Variants in GALNTL6 observed in about 807,000 individuals in gnomAD.
GALNTL6 encodes the protein polypeptide N-acetylgalactosaminyltransferase like 6.
GALNTL6 carries 46 observed loss-of-function variants against 73.7 expected under a neutral mutation model. That is an observed-to-expected ratio of 0.62 (90% CI 0.49 to 0.80). The LOEUF (loss-of-function observed/expected upper bound fraction) is 0.80. Ranked by LOEUF, GALNTL6 falls within the 30% of genes least tolerant of loss-of-function variation. GALNTL6 has a pLI of 0.00. For missense variants in GALNTL6, 604 were observed against 755.0 expected, an observed-to-expected ratio of 0.80 and a Z score of 2.34; for synonymous variants, 259 against 263.7, an observed-to-expected ratio of 0.98 and a Z score of 0.17.
In GALNTL6 at chr4:171,903,898, C is replaced by A. The variant is rs1165358904; in HGVS notation, c.138+89180C>A. Among the ~76,000 whole-genome samples the A allele has an allele frequency of 5.3e-5, 8 of 150,550 alleles. No homozygotes were observed. In the South Asian group the frequency reaches 1.7e-3, roughly 32 times the overall value. The stretch of plus-strand genomic sequence containing the variant: ...AGCAGGGGCAGACTGACACCTCACA[C>A]GGCCAGGTACTCCAACAGACCTGCA... On this transcript the variant is annotated intron_variant, in intron 2 of 12. Transcript: ENST00000506823.
chr4:172,115,071 A>G (rs947993720), intron 2 of GALNTL6, among the ~76,000 whole-genome samples: 1 of 152,102 alleles, frequency 6.6e-6, no homozygotes, highest in Non-Finnish European at 1.5e-5. Flanking sequence ...ATTGTGAACT[A>G]TTCTTAAGAG....
At chr4:172,742,844 T>G (rs573844622) in intron 5 of GALNTL6, among the ~76,000 whole-genome samples, 2 of 152,158 alleles carry the variant, frequency 1.3e-5, no homozygotes, top group African/African-American at 4.8e-5. Flanking sequence ...GCTAATGTAT[T>G]ATGCAGAGCT....
At chr4:172,205,058 G>A (rs1268494390) in intron 2 of GALNTL6, among the ~76,000 whole-genome samples, 1 of 152,126 alleles carries the variant, frequency 6.6e-6, no homozygotes, top group Non-Finnish European at 1.5e-5. Flanking sequence ...TAATCCAAAT[G>A]TGCATATTCA....
At chr4:172,123,254 C>A (rs1733200339) in intron 2 of GALNTL6, among the ~76,000 whole-genome samples, 1 of 152,012 alleles carries the variant, frequency 6.6e-6, no homozygotes, top group Admixed American at 6.6e-5. Context: ...GTATCATTTT[C>A]TAAAGAGACA....
Position 171,822,391 on chromosome 4 carries a change from A to G in GALNTL6, c.138+7673A>G, listed in dbSNP as rs572297030. ...GGTGGGCCTCATCCCTTACAGAAGT[A>G]TGTAACTGTGGGCATGCTACTTAAC... On this transcript the variant is annotated intron_variant, in intron 2 of 12. Coordinates refer to ENST00000506823, the MANE Select transcript of GALNTL6 (RefSeq NM_001034845.3). Among the ~76,000 whole-genome samples the G allele has an allele frequency of 2.0e-5, 3 of 152,326 alleles. No individual in the cohort carries two copies. The East Asian group carries it at 5.8e-4, about 29-fold the overall frequency.
At chr4:172,889,546 G>T (rs1321853540) in intron 8 of GALNTL6, among the ~76,000 whole-genome samples, 1 of 152,064 alleles carries the variant, frequency 6.6e-6, no homozygotes, top group Non-Finnish European at 1.5e-5. Flanking sequence ...TGTTTATGTG[G>T]TGAATCATGT....
At chr4:172,705,651 C>T (rs1480905403) in intron 5 of GALNTL6, among the ~76,000 whole-genome samples, 1 of 151,978 alleles carries the variant, frequency 6.6e-6, no homozygotes, top group African/African-American at 2.4e-5. Context: ...GATTGAAGAA[C>T]TCCCTTTAGC....
chr4:172,961,564 A>C (rs1290281738), intron 10 of GALNTL6, among the ~76,000 whole-genome samples: 1 of 152,188 alleles, frequency 6.6e-6, no homozygotes, highest in African/African-American at 2.4e-5. Flanking sequence ...CTGTCTTCCC[A>C]AGTCCGTGAC....
At chr4:172,096,489 G>A (rs12509866) in intron 2 of GALNTL6, among the ~76,000 whole-genome samples, 21,207 of 150,902 alleles carry the variant, frequency 0.14, 1,890 homozygotes, top group East Asian at 0.31. Context: ...CCAATCACAC[G>A]ATTTTTCCTT....
At chr4:172,537,475 C>T (rs1311924342) in intron 5 of GALNTL6, among the ~76,000 whole-genome samples, 3 of 152,180 alleles carry the variant, frequency 2.0e-5, no homozygotes, top group African/African-American at 7.2e-5. Context: ...GTAACATGTG[C>T]CTTTGCTCCT....
chr4:172,611,862 T>C (rs928374145), intron 5 of GALNTL6, among the ~76,000 whole-genome samples: 3 of 152,044 alleles, frequency 2.0e-5, no homozygotes, highest in South Asian at 2.1e-4. Context: ...ATGCAGACAA[T>C]TGTAGTTCAT....
chr4:171,819,213 G>C (rs975252137), intron 2 of GALNTL6, among the ~76,000 whole-genome samples: 1 of 152,026 alleles, frequency 6.6e-6, no homozygotes, highest in Admixed American at 6.5e-5. Context: ...TTAAATTAGG[G>C]TTTTAAAGGA....
intron 2 of GALNTL6, among the ~76,000 whole-genome samples, chr4:172,101,701 T>G (rs928212340): frequency 3.9e-5 from 6 of 152,132 alleles, no homozygotes; most frequent in African/African-American, 1.4e-4. Flanking sequence ...TTTTGAGATT[T>G]TAATTTATTT....
In GALNTL6 at chr4:172,616,473, A is replaced by T. The variant is rs923756276; in HGVS notation, c.554-192888A>T. Among the ~76,000 whole-genome samples the T allele has an allele frequency of 2.4e-4, 37 of 151,758 alleles. 1 individual carries two copies. The highest frequency in any genetic ancestry group is 5.1e-4 in the African/African-American group (21 of 41,376). On this transcript the variant is annotated intron_variant, in intron 5 of 12. Transcript: ENST00000506823. ...TTGGTATGAGAAAAATAATTTTTTT[A>T]AAATCAAATTATATTCAACTCCACT...
chr4:172,483,909 G>GAAT (rs1733582133), intron 5 of GALNTL6, among the ~76,000 whole-genome samples: 1 of 152,166 alleles, frequency 6.6e-6, no homozygotes, highest in East Asian at 1.9e-4. Context: ...AATAATGTAA[G>GAAT]GGGCAGCAGA....
At chr4:172,944,893 T>TA (rs1032291679) in intron 9 of GALNTL6, among the ~76,000 whole-genome samples, 4 of 151,108 alleles carry the variant, frequency 2.6e-5, no homozygotes, top group Admixed American at 6.6e-5. Context: ...CCGTCTCTAC[T>TA]AAAAAAAATA....
chr4:172,697,356 G>A (rs928260683), intron 5 of GALNTL6, among the ~76,000 whole-genome samples: 1 of 152,272 alleles, frequency 6.6e-6, no homozygotes, highest in East Asian at 1.9e-4. Context: ...CCAAACTGCT[G>A]TTAAATCAGG....
At chr4:172,803,855 A>G (rs1678563120) in intron 5 of GALNTL6, among the ~76,000 whole-genome samples, 1 of 152,176 alleles carries the variant, frequency 6.6e-6, no homozygotes, top group Admixed American at 6.5e-5. Context: ...GCAATTAAAC[A>G]TGGTTTCAAT....
At chr4:172,484,493 A>G (rs1733604526) in intron 5 of GALNTL6, among the ~76,000 whole-genome samples, 1 of 151,158 alleles carries the variant, frequency 6.6e-6, no homozygotes, top group Admixed American at 6.6e-5. Flanking sequence ...GTTGATTCCG[A>G]CTGAAAGCGC....
Sources: allele counts gnomAD v4.1 joint callset (sites outside exome capture counted in the v4.1 genomes callset), GRCh38; gene constraint gnomAD v4.1.1; transcripts MANE v1.5; gene names NCBI Gene and HGNC (gene_info 2026-07-23, HGNC 2026-07-21).